Variants in SHISA9 observed in about 807,000 individuals in gnomAD.
The protein encoded by SHISA9 is shisa family member 9.
Under a neutral mutation model 38.0 loss-of-function variants are expected in SHISA9, and 13 were observed. The ratio of observed to expected loss-of-function variants is 0.34; its 90% CI spans 0.22 to 0.54. The LOEUF (loss-of-function observed/expected upper bound fraction) is 0.54, where lower values mean the gene tolerates loss of function less well. Among genes scored for constraint, SHISA9 ranks in the 20% least tolerant of loss-of-function variants. SHISA9 has a pLI of 0.91. For missense variants in SHISA9, 538 were observed against 575.8 expected (o/e 0.93, Z 0.67); for synonymous variants, 275 against 242.0 (o/e 1.14, Z -1.27).
At chr16:13,186,360 C>A (rs559837604) in intron 2 of SHISA9, among the ~76,000 whole-genome samples, 1 of 130,616 alleles carries the variant, frequency 7.7e-6, no homozygotes, top group African/African-American at 2.9e-5. Context: ...TGCAGTGGTG[C>A]GATCTCGGCT....
rs374279011 is a variant in SHISA9, at chr16:13,082,216, G to A, written c.692-121178G>A. On this transcript the variant is annotated intron_variant, in intron 2 of 4. Coordinates refer to ENST00000558583, the MANE Select transcript of SHISA9 (RefSeq NM_001145204.3). ...CGCAGAATAGAGACATATCATGCAA[G>A]GCTTTTTGCATTGTATACAATAAGA... Among the ~76,000 whole-genome samples the A allele has an allele frequency of 1.7e-4, 26 of 152,212 alleles. 1 individual carries two copies. Among genetic ancestry groups the A allele is most frequent in the Admixed American group, 9.8e-4 (15 of 15,276 alleles).
chr16:13,011,647 C>T (rs2072677024), intron 2 of SHISA9, among the ~76,000 whole-genome samples: 1 of 151,906 alleles, frequency 6.6e-6, no homozygotes, highest in South Asian at 2.1e-4. Context: ...TCAGCCTCCT[C>T]AGTAGCTGGG....
the SHISA9 span, among the ~76,000 whole-genome samples, chr16:13,522,497 T>TC: frequency 2.5e-3 from 382 of 151,182 alleles, 1 homozygote; most frequent in African/African-American, 8.3e-3. Flanking sequence ...CAGTGAGGAG[T>TC]CCCCCCCCGA....
chr16:13,350,762 GA>G, the SHISA9 span: 2 of 152,154 alleles, frequency 1.3e-5, no homozygotes, highest in East Asian at 3.9e-4. Context: ...AAAGAGTGAG[GA>G]AAAAACTGAG....
At chr16:13,302,178 A>G in the SHISA9 span, among the ~76,000 whole-genome samples, 2 of 152,118 alleles carry the variant, frequency 1.3e-5, no homozygotes, top group Non-Finnish European at 2.9e-5. Context: ...GAAACTTGGA[A>G]AGCCAGAAAA....
At chr16:13,466,002 A>G in the SHISA9 span, among the ~76,000 whole-genome samples, 1 of 152,196 alleles carries the variant, frequency 6.6e-6, no homozygotes, top group Non-Finnish European at 1.5e-5. Flanking sequence ...TTTACGGAAA[A>G]AGTTTGTGTG....
chr16:13,466,809 A>G, the SHISA9 span, among the ~76,000 whole-genome samples: 1 of 152,190 alleles, frequency 6.6e-6, no homozygotes, highest in Non-Finnish European at 1.5e-5. Context: ...ATTTTACATT[A>G]TAGCATTTAG....
chr16:13,468,854 T>G, the SHISA9 span, among the ~76,000 whole-genome samples: 2 of 152,026 alleles, frequency 1.3e-5, no homozygotes, highest in African/African-American at 4.8e-5. Context: ...CTTTTTTGTT[T>G]TATATATGTA....
chr16:13,504,692 G>A, the SHISA9 span, among the ~76,000 whole-genome samples: 1 of 152,092 alleles, frequency 6.6e-6, no homozygotes, highest in African/African-American at 2.4e-5. Flanking sequence ...AGCCCTCAGA[G>A]GATTTCAACT....
chr16:12,934,006 C>T (rs866687467), intron 2 of SHISA9, among the ~76,000 whole-genome samples: 2 of 151,970 alleles, frequency 1.3e-5, no homozygotes, highest in African/African-American at 4.8e-5. Context: ...ATGGGAAGAA[C>T]CAATCTAGTG....
At chr16:12,916,011 G>GTTTTTTTTTT (rs34050190) in intron 1 of SHISA9, among the ~76,000 whole-genome samples, 7 of 90,432 alleles carry the variant, frequency 7.7e-5, no homozygotes, top group Non-Finnish European at 1.3e-4. Context: ...GTGTGTGTGT[G>GTTTTTTTTTT]TTTTTTTTTT....
At chr16:12,921,213 C>A (rs2071323679) in intron 2 of SHISA9, among the ~76,000 whole-genome samples, 2 of 152,114 alleles carry the variant, frequency 1.3e-5, no homozygotes, top group South Asian at 4.1e-4. Context: ...ATAACCTGAG[C>A]AAGTAAGGAG....
the SHISA9 span, among the ~76,000 whole-genome samples, chr16:13,386,203 A>G: frequency 6.6e-6 from 1 of 152,222 alleles, no homozygotes; most frequent in Non-Finnish European, 1.5e-5. Flanking sequence ...ATGATATTAT[A>G]CTATAATTTT....
chr16:12,925,473 G>GTGTGTGTGTGTGTGTTTA (rs113968316), intron 2 of SHISA9, among the ~76,000 whole-genome samples: 198 of 150,598 alleles, frequency 1.3e-3, no homozygotes, highest in African/African-American at 4.4e-3. Flanking sequence ...GTGTGTGTGT[G>GTGTGTGTGTGTGTGTTTA]CAAGCAACAG....
the SHISA9 span, among the ~76,000 whole-genome samples, chr16:13,343,579 G>T: frequency 6.6e-6 from 1 of 152,050 alleles, no homozygotes; most frequent in Non-Finnish European, 1.5e-5. Flanking sequence ...GACTTGGTCT[G>T]GGAGGAAAAT....
rs138337520 is a variant in SHISA9, at chr16:13,091,481, G to T, written c.692-111913G>T. Among the ~76,000 whole-genome samples, 1,244 of 152,166 alleles carry T rather than the reference G, an allele frequency of 8.2e-3. 15 individuals carry two copies. Among genetic ancestry groups the T allele is most frequent in the African/African-American group, 0.027 (1,122 of 41,500 alleles). On this transcript the variant is annotated intron_variant, in intron 2 of 4. Coordinates refer to ENST00000558583, the MANE Select transcript of SHISA9 (RefSeq NM_001145204.3). Reference sequence around the variant, plus strand: ...CTTTTCATGTAGTCCCATATTCCTTGGAGGCTTTGTTCATTTCTTTTTACA... The same window carrying T: ...CTTTTCATGTAGTCCCATATTCCTTTGAGGCTTTGTTCATTTCTTTTTACA...
the SHISA9 span, among the ~76,000 whole-genome samples, chr16:13,311,585 A>G: frequency 6.6e-6 from 1 of 152,152 alleles, no homozygotes; most frequent in African/African-American, 2.4e-5. Context: ...CTACTAGAAG[A>G]CTACCTTTGT....
chr16:13,146,919 A>C (rs1213002070), intron 2 of SHISA9, among the ~76,000 whole-genome samples: 1 of 152,236 alleles, frequency 6.6e-6, no homozygotes, highest in Non-Finnish European at 1.5e-5. Context: ...TATAAGCTTT[A>C]TAAAGGAAAG....
chr16:13,015,194 C>T (rs2072726408), intron 2 of SHISA9, among the ~76,000 whole-genome samples: 1 of 152,198 alleles, frequency 6.6e-6, no homozygotes, highest in African/African-American at 2.4e-5. Flanking sequence ...CATGCTTATT[C>T]ATTTATGTAT....
Sources: gnomAD v4.1 joint callset for allele counts (sites outside exome capture counted in the v4.1 genomes callset) on GRCh38, gnomAD v4.1.1 for gene constraint, MANE v1.5 for transcripts, NCBI Gene and HGNC (gene_info 2026-07-23, HGNC 2026-07-21) for gene names.